The following PYGO1 variants were observed in gnomAD, a reference collection of about 807,000 sequenced individuals.
PYGO1 encodes pygopus family PHD finger 1, also known as pygopus homolog 1.
PYGO1 carries 6 observed loss-of-function variants against 29.5 expected under a neutral mutation model. That is an observed-to-expected ratio of 0.20 (90% CI 0.11 to 0.40). The LOEUF is 0.40. Among genes scored for constraint, PYGO1 ranks in the 10% least tolerant of loss-of-function variants. The pLI is 1.00. For synonymous variants in PYGO1, 186 were observed against 180.5 expected, an observed-to-expected ratio of 1.03 and a Z score of -0.24; for missense variants, 515 against 514.9, an observed-to-expected ratio of 1.00 and a Z score of 0.00.
At chr15:55,565,752 A>C in intron 1 of PYGO1, among the ~76,000 whole-genome samples, 1 of 151,822 alleles carries the variant, frequency 6.6e-6, no homozygotes, top group Admixed American at 6.6e-5. Flanking sequence ...AAAGAAACAT[A>C]TTTATTTCCT....
upstream of PYGO1, among the ~76,000 whole-genome samples, chr15:55,588,601 C>G (rs2059060939): frequency 6.7e-6 from 1 of 149,172 alleles, no homozygotes; most frequent in Non-Finnish European, 1.5e-5. Context: ...CTCTTGCAGC[C>G]CGGGTGGGCA....
intron 2 of PYGO1, among the ~76,000 whole-genome samples, chr15:55,547,359 C>A (rs1204295153): frequency 6.6e-6 from 1 of 151,846 alleles, no homozygotes; most frequent in Non-Finnish European, 1.5e-5. Context: ...ATTTCATTTC[C>A]AAAAGAAAAT....
chr15:55,550,233 T>C (rs1377530600), intron 1 of PYGO1, among the ~76,000 whole-genome samples: 1 of 152,194 alleles, frequency 6.6e-6, no homozygotes, highest in Non-Finnish European at 1.5e-5. Context: ...ACCAGGCTGA[T>C]TATTGTTCCA....
At chr15:55,557,330 C>A (rs572617786) in intron 1 of PYGO1, among the ~76,000 whole-genome samples, 1 of 152,256 alleles carries the variant, frequency 6.6e-6, no homozygotes, top group South Asian at 2.1e-4. Context: ...ATAACAGGCT[C>A]TGAAATTGAG....
chr15:55,541,890 A>G lies in PYGO1; in HGVS notation c.*4133T>C, dbSNP rs1365130124. The G allele has an allele frequency of 6.6e-6, 1 of 152,218 alleles. No individual in the cohort carries two copies. Among genetic ancestry groups the G allele is most frequent in the African/African-American group, 2.4e-5 (1 of 41,464 alleles). 9.4% of individuals were successfully genotyped at this position (152,218 alleles called of 1,614,324 possible). On this transcript the variant is annotated 3_prime_UTR_variant, in exon 3 of 3. Coordinates refer to ENST00000563719, the MANE Select transcript of PYGO1 (RefSeq NM_001367806.1). Reference sequence around the variant, plus strand: ...TCCTAAAGAAAACTGAGAGTTCAGCATGATACTATTAACTAGATTATGGTC... The same window carrying G: ...TCCTAAAGAAAACTGAGAGTTCAGCGTGATACTATTAACTAGATTATGGTC...
chr15:55,587,893 C>T lies in PYGO1; in HGVS notation c.-10G>A. On this transcript the variant is annotated 5_prime_UTR_variant, in exon 1 of 3. Coordinates refer to ENST00000563719, the MANE Select transcript of PYGO1 (RefSeq NM_001367806.1). Reference sequence around the variant, plus strand: ...CCTGTTCTGCTGACATTACAGACCGCAAAGCATGACTCCCCCCCAGGCCGC... The same window carrying T: ...CCTGTTCTGCTGACATTACAGACCGTAAAGCATGACTCCCCCCCAGGCCGC... 6.8e-7 allele frequency: 1 copy of T among 1,473,756 alleles called. No homozygotes were observed. The allele number at this position is 1,473,756 out of a possible 1,614,324, so 91.3% of individuals were successfully genotyped here. A position where few individuals can be genotyped will look rare whatever the true frequency, so the allele number is the denominator to read the frequency against.
At chr15:55,574,793 G>A (rs1256846130) in intron 1 of PYGO1, among the ~76,000 whole-genome samples, 1 of 152,162 alleles carries the variant, frequency 6.6e-6, no homozygotes, top group Non-Finnish European at 1.5e-5. Flanking sequence ...GGCAATAAAT[G>A]TTTGTTGAAT....
intron 1 of PYGO1, among the ~76,000 whole-genome samples, chr15:55,584,336 C>G (rs935838541): frequency 6.6e-6 from 1 of 152,072 alleles, no homozygotes; most frequent in African/African-American, 2.4e-5. Flanking sequence ...TTCTTAAACT[C>G]CTGGAGTCAA....
intron 1 of PYGO1, among the ~76,000 whole-genome samples, chr15:55,563,980 C>CCGTGGAAAACA (rs908026723): frequency 6.6e-6 from 1 of 152,120 alleles, no homozygotes. Context: ...GGTACAGCCA[C>CCGTGGAAAACA]CGTGGAAAAC....
upstream of PYGO1, chr15:55,588,877 C>G: frequency 1.2e-6 from 2 of 1,610,806 alleles, no homozygotes; most frequent in Non-Finnish European, 1.7e-6. Context: ...TCCCCGACTC[C>G]GTGTCCGCGT....
intron 1 of PYGO1, among the ~76,000 whole-genome samples, chr15:55,567,197 CTTTTTTTTTTTT>C (rs71297645): frequency 5.7e-4 from 27 of 47,086 alleles, no homozygotes; most frequent in African/African-American, 2.0e-3. Context: ...TTTTGCCCAC[CTTTTTTTTTTTT>C]TTTTTTTTTT....
intron 1 of PYGO1, among the ~76,000 whole-genome samples, chr15:55,563,229 T>C (rs1328848800): frequency 6.6e-6 from 1 of 152,150 alleles, no homozygotes; most frequent in East Asian, 1.9e-4. Context: ...CCAGAATATA[T>C]GAATAATTCT....
Position 55,546,929 on chromosome 15 carries a change from G to A in PYGO1, c.354C>T (p.Tyr118=). Residue 118 remains tyrosine (Y), a synonymous_variant, in exon 3 of 3, where the codon TAC becomes TAT. Transcript: ENST00000563719. ...PHVPPRMSSP[Y]CGPYSLRNQP... is the part of the protein sequence containing the mutation. ...GGTTCCTGAGTGAGTAAGGACCACAGTATGGGGAAGACATTCTTGGGGGAA... is the reference window on the plus strand; with the variant it reads ...GGTTCCTGAGTGAGTAAGGACCACAATATGGGGAAGACATTCTTGGGGGAA... 6.2e-7 allele frequency: 1 copy of A among 1,614,144 alleles called. No individual in the cohort carries two copies. Among genetic ancestry groups the A allele is most frequent in the South Asian group, 1.1e-5 (1 of 91,082 alleles).
intron 1 of PYGO1, among the ~76,000 whole-genome samples, chr15:55,565,267 C>T (rs573242780): frequency 1.3e-5 from 2 of 152,100 alleles, no homozygotes; most frequent in African/African-American, 4.8e-5. Context: ...TCTTAGAATT[C>T]TGCCCCTACA....
intron 1 of PYGO1, among the ~76,000 whole-genome samples, chr15:55,561,594 C>T (rs1331638259): frequency 6.6e-6 from 1 of 152,204 alleles, no homozygotes; most frequent in Non-Finnish European, 1.5e-5. Context: ...AAGCCAATCG[C>T]TTCCCACCAG....
intron 1 of PYGO1, among the ~76,000 whole-genome samples, chr15:55,585,856 T>A (rs2059044094): frequency 6.6e-6 from 1 of 152,198 alleles, no homozygotes. Context: ...AGCACAAATA[T>A]CAGGGGAATA....
Position 55,539,657 on chromosome 15 carries a change from T to G in PYGO1, c.*6366A>C, listed in dbSNP as rs1470420085. ...ATAAAATATAGAACTATGAAAATTT[T>G]GGGCATTCAAGTCAAATATAATAGG... is the stretch of plus-strand genomic sequence containing the variant. On this transcript the variant is annotated 3_prime_UTR_variant, in exon 3 of 3. Coordinates refer to ENST00000563719, the MANE Select transcript of PYGO1 (RefSeq NM_001367806.1). The G allele has an allele frequency of 6.6e-6, 1 of 152,048 alleles. No individual in the cohort carries two copies. Among genetic ancestry groups the G allele is most frequent in the Non-Finnish European group, 1.5e-5 (1 of 67,906 alleles). The allele number at this position is 152,048 out of a possible 1,614,324, so 9.4% of individuals were successfully genotyped here.
At chr15:55,557,768 C>A (rs4774784) in intron 1 of PYGO1, among the ~76,000 whole-genome samples, 134,762 of 152,192 alleles carry the variant, frequency 0.89, 59,763 homozygotes, top group Admixed American at 0.92. Flanking sequence ...ATAGATGCCG[C>A]AAAGACCTTC....
chr15:55,588,159 G>T lies in PYGO1; in HGVS notation c.-276C>A, dbSNP rs2059057985. ...GGCCTGGGGGCGGCCCCCCACCCGG[G>T]GCCGGCATGTGCTGAGGGCGAGTGC... On this transcript the variant is annotated 5_prime_UTR_variant, in exon 1 of 3. Coordinates refer to ENST00000563719, the MANE Select transcript of PYGO1 (RefSeq NM_001367806.1). The T allele has an allele frequency of 1.8e-6, 1 of 562,162 alleles. No homozygotes were observed. The highest frequency in any genetic ancestry group is 2.0e-5 in the African/African-American group (1 of 48,838). 34.8% of individuals were successfully genotyped at this position (562,162 alleles called of 1,614,324 possible).
Sources: gnomAD v4.1 joint callset for allele counts (sites outside exome capture counted in the v4.1 genomes callset) on GRCh38, gnomAD v4.1.1 for gene constraint, MANE v1.5 for transcripts, NCBI Gene and HGNC (gene_info 2026-07-23, HGNC 2026-07-21) for gene names.